DAPK1: variants seen among roughly 807,000 people sequenced by gnomAD.
DAPK1 encodes death associated protein kinase 1.
In DAPK1, 56 loss-of-function variants were observed where a neutral mutation model predicts 144.9. The ratio of observed to expected loss-of-function variants is 0.39; its 90% CI spans 0.31 to 0.48. The LOEUF is 0.48. Ranked by LOEUF, DAPK1 falls within the 20% of genes least tolerant of loss-of-function variation. The pLI is 0.95. For missense variants in DAPK1, 1,454 were observed against 1,875.4 expected, an observed-to-expected ratio of 0.78 and a Z score of 4.15; for synonymous variants, 690 against 749.0, an observed-to-expected ratio of 0.92 and a Z score of 1.29.
In DAPK1 at chr9:87,706,632, G is replaced by C. The variant is rs1446280769; in HGVS notation, c.3561G>C (p.Leu1187=). 1.2e-6 allele frequency: 2 copies of C among 1,612,870 alleles called. No homozygotes were observed. The highest frequency in any genetic ancestry group is 1.7e-6 in the Non-Finnish European group (2 of 1,179,718). ...ANRGAELLVL[L]VNHGQGIEVQ... Reference sequence around the variant, plus strand: ...GTGGGGCCGAGCTGCTGGTGCTGCTGGTCAACCACGGCCAGGGCATTGAGG... The same window carrying C: ...GTGGGGCCGAGCTGCTGGTGCTGCTCGTCAACCACGGCCAGGGCATTGAGG... Residue 1187 remains leucine (L), a synonymous_variant, in exon 26 of 26, where the codon CTG becomes CTC. Transcript: ENST00000408954. The surrounding 1 kb of genome is among the most constrained non-coding windows in gnomAD (Gnocchi z 9.0).
In DAPK1 at chr9:87,605,057, G is replaced by T. The variant is rs556491703; in HGVS notation, c.166G>T (p.Val56Leu). 2 of 1,614,232 alleles carry T rather than the reference G, an allele frequency of 1.2e-6. No homozygotes were observed. Among genetic ancestry groups the T allele is most frequent in the Admixed American group, 3.3e-5 (2 of 60,030 alleles). Reference protein sequence around the residue: ...KRRTKSSRRGVSREDIEREVS... With the variant: ...KRRTKSSRRGLSREDIEREVS... ...GAGGACTAAGTCCAGCCGGCGGGGT[G>T]TGAGCCGCGAGGACATCGAGCGGGA... Residue 56 changes from valine (V) to leucine (L), a missense_variant, in exon 3 of 26, where the codon GTG becomes TTG. Coordinates refer to ENST00000408954, the MANE Select transcript of DAPK1 (RefSeq NM_004938.4).
Position 87,563,673 on chromosome 9 carries a change from C to G in DAPK1, c.63-41281C>G, listed in dbSNP as rs937171782. Among the ~76,000 whole-genome samples, 3 of 152,216 alleles carry G rather than the reference C, an allele frequency of 2.0e-5. No individual in the cohort carries two copies. The South Asian group carries it at 6.2e-4, about 32-fold the overall frequency. On this transcript the variant is annotated intron_variant, in intron 2 of 25. Coordinates refer to ENST00000408954, the MANE Select transcript of DAPK1 (RefSeq NM_004938.4). Reference sequence around the variant, plus strand: ...AGTGAGAGGCCCAGCCATCAGTCAGCACACACCACCAGATGTTCAGGTGAG... The same window carrying G: ...AGTGAGAGGCCCAGCCATCAGTCAGGACACACCACCAGATGTTCAGGTGAG...
chr9:87,635,701 C>G (rs528832082), intron 3 of DAPK1, among the ~76,000 whole-genome samples: 69 of 152,330 alleles, frequency 4.5e-4, no homozygotes, highest in African/African-American at 1.6e-3. Context: ...TGTCTATTAC[C>G]TTTCATCCTC....
intron 19 of DAPK1, among the ~76,000 whole-genome samples, chr9:87,678,772 T>C (rs1162542451): frequency 6.6e-6 from 1 of 152,066 alleles, no homozygotes. Flanking sequence ...TGTTACAGGG[T>C]GTCTGGACAC....
chr9:87,595,407 A>T (rs1219435675), intron 2 of DAPK1, among the ~76,000 whole-genome samples: 1 of 152,146 alleles, frequency 6.6e-6, no homozygotes, highest in Non-Finnish European at 1.5e-5. Flanking sequence ...TTCCAGATGG[A>T]TCTTGGACCT....
chr9:87,668,064 T>A (rs909416304), intron 18 of DAPK1: 4 of 153,686 alleles, frequency 2.6e-5, no homozygotes, highest in Non-Finnish European at 4.4e-5. Flanking sequence ...TGGACTCTTA[T>A]TTCCTTGTTT....
intron 2 of DAPK1, among the ~76,000 whole-genome samples, chr9:87,583,053 G>A (rs540257947): frequency 6.6e-6 from 1 of 152,198 alleles, no homozygotes; most frequent in Non-Finnish European, 1.5e-5. Flanking sequence ...GGTATATACA[G>A]TTGGCCACTT....
Position 87,497,961 on chromosome 9 carries a change from TG to T in DAPK1, c.-251del. ...CTCGGCAACTCGCAGCGGCAGGGTC[TG>T]GGGCCGGCGCCTGGGAGGGATCTGC... On this transcript the variant is annotated 5_prime_UTR_variant, in exon 1 of 26. Coordinates refer to ENST00000408954, the MANE Select transcript of DAPK1 (RefSeq NM_004938.4). The T allele has an allele frequency of 2.5e-6, 1 of 396,872 alleles. No individual in the cohort carries two copies. The highest frequency in any genetic ancestry group is 4.4e-6 in the Non-Finnish European group (1 of 225,386). 24.6% of individuals were successfully genotyped at this position (396,872 alleles called of 1,614,324 possible).
At chr9:87,705,029 T>C (rs1312863100) in intron 25 of DAPK1, among the ~76,000 whole-genome samples, 1 of 151,918 alleles carries the variant, frequency 6.6e-6, no homozygotes, top group Non-Finnish European at 1.5e-5. Flanking sequence ...CTCACTCCTC[T>C]CTCCCCTTCT....
intron 11 of DAPK1, among the ~76,000 whole-genome samples, chr9:87,645,644 AC>A (rs1043686104): frequency 1.3e-5 from 2 of 152,216 alleles, no homozygotes; most frequent in African/African-American, 4.8e-5. Flanking sequence ...TGGATCTTGG[AC>A]ATTGTGTCTC....
At position 87,686,542 on chromosome 9, in the gene DAPK1, A is replaced by G. The variant is rs1217964915; in HGVS notation, c.2225-9A>G. ...ATCGAGTACTCATGTGATCCTTTCC[A>G]TCCTGCAGTCTCAGTGAGCATCAAC... On this transcript the variant is annotated splice_polypyrimidine_tract_variant and intron_variant, in intron 20 of 25. Coordinates refer to ENST00000408954, the MANE Select transcript of DAPK1 (RefSeq NM_004938.4). The surrounding 1 kb of genome is among the most constrained non-coding windows in gnomAD (Gnocchi z 4.2). 5.9e-6 allele frequency: 9 copies of G among 1,513,140 alleles called. No homozygotes were observed. The highest frequency in any genetic ancestry group is 7.2e-6 in the Non-Finnish European group (8 of 1,109,790). 93.7% of individuals were successfully genotyped at this position (1,513,140 alleles called of 1,614,324 possible).
chr9:87,577,347 T>C (rs987041765), intron 2 of DAPK1, among the ~76,000 whole-genome samples: 1 of 152,206 alleles, frequency 6.6e-6, no homozygotes, highest in Non-Finnish European at 1.5e-5. Context: ...AGTGCTAACA[T>C]CTGAGAGCTA....
intron 3 of DAPK1, among the ~76,000 whole-genome samples, chr9:87,622,195 G>T (rs1829319267): frequency 6.6e-6 from 1 of 151,664 alleles, no homozygotes; most frequent in Admixed American, 6.6e-5. Context: ...TCTTTCCCAT[G>T]CGCCCTCGCT....
chr9:87,540,060 A>G (rs10746817), intron 2 of DAPK1, among the ~76,000 whole-genome samples: 134,995 of 152,130 alleles, frequency 0.89, 59,998 homozygotes, highest in East Asian at 0.94. Context: ...ATTATTTACT[A>G]AGGTTGCGAA....
rs942958116 is a variant in DAPK1 at position 87,633,246 on chromosome 9, C to T, written c.285-4697C>T. ...ATGTAGGGATGAAGGAATATGAGTC[C>T]ATATGTAGAAATGAAGGAAATGTAG... On this transcript the variant is annotated intron_variant, in intron 3 of 25. Transcript: ENST00000408954. 2.7e-5 allele frequency: 27 copies of T among 983,298 alleles called. No homozygotes were observed. In the African/African-American group the frequency reaches 4.2e-4, roughly 15 times the overall value. The allele number at this position is 983,298 out of a possible 1,614,324, so 60.9% of individuals were successfully genotyped here.
At chr9:87,613,981 T>A (rs1019206492) in intron 3 of DAPK1, among the ~76,000 whole-genome samples, 1 of 152,218 alleles carries the variant, frequency 6.6e-6, no homozygotes, top group African/African-American at 2.4e-5. Flanking sequence ...CTCAGATACC[T>A]ACTATTAGGC....
At chr9:87,556,604 C>A (rs1826725958) in intron 2 of DAPK1, among the ~76,000 whole-genome samples, 1 of 152,126 alleles carries the variant, frequency 6.6e-6, no homozygotes, top group Non-Finnish European at 1.5e-5. Flanking sequence ...CCTGCTGAAA[C>A]TCTGTGGAGT....
chr9:87,660,239 A>C (rs190760753), intron 18 of DAPK1, among the ~76,000 whole-genome samples: 101 of 151,996 alleles, frequency 6.6e-4, no homozygotes, highest in Non-Finnish European at 9.9e-4. Context: ...CCTTCCCCGC[A>C]GGGAACCGGG....
chr9:87,601,707 G>A (rs754864856), intron 2 of DAPK1, among the ~76,000 whole-genome samples: 7 of 152,030 alleles, frequency 4.6e-5, no homozygotes, highest in Non-Finnish European at 1.0e-4. Context: ...CACTTCATGC[G>A]CTCATTTCAT....
Sources: gnomAD v4.1 joint callset for allele counts (sites outside exome capture counted in the v4.1 genomes callset) on GRCh38, gnomAD v4.1.1 for gene constraint, Gnocchi (gnomAD v3.1) non-coding constraint, MANE v1.5 for transcripts, NCBI Gene and HGNC (gene_info 2026-07-23, HGNC 2026-07-21) for gene names.